MYLK4: variants seen among roughly 807,000 people sequenced by gnomAD.
The protein encoded by MYLK4 is caMLCK like.
MYLK4 carries 46 observed loss-of-function variants against 48.1 expected under a neutral mutation model. The ratio of observed to expected loss-of-function variants is 0.96; its 90% confidence interval spans 0.75 to 1.22. MYLK4 has a LOEUF of 1.22. MYLK4 is among the 50% of genes most tolerant of loss of function. The probability of loss-of-function intolerance (pLI) is 0.00; values close to 1 mark genes in which losing one functional copy is unlikely to be tolerated. For synonymous variants in MYLK4, 170 were observed against 180.8 expected, an observed-to-expected ratio of 0.94 and a Z score of 0.48; for missense variants, 451 against 486.1, an observed-to-expected ratio of 0.93 and a Z score of 0.68.
At position 2,673,010 on chromosome 6, in the gene MYLK4, A is replaced by G. The variant is rs56065170; in HGVS notation, c.1120-1662T>C. Reference sequence around the variant, plus strand: ...AAATGAAATTTATTTTTCATTAAAAAAAACCCATCATCACTCTTGAACTAT... The same window carrying G: ...AAATGAAATTTATTTTTCATTAAAAGAAACCCATCATCACTCTTGAACTAT... On this transcript the variant is annotated intron_variant, in intron 11 of 12. Coordinates refer to ENST00000274643, the MANE Select transcript of MYLK4 (RefSeq NM_001012418.5). The surrounding 1 kb of genome is among the most constrained non-coding windows in gnomAD (Gnocchi z 4.2). Among the ~76,000 whole-genome samples the G allele has an allele frequency of 0.15, 23,316 of 152,252 alleles. 2,074 individuals are homozygous for G. The highest frequency in any genetic ancestry group is 0.35 in the East Asian group (1,816 of 5,178).
At chr6:2,704,623 A>T (rs916695065) in intron 2 of MYLK4, among the ~76,000 whole-genome samples, 1 of 152,206 alleles carries the variant, frequency 6.6e-6, no homozygotes, top group African/African-American at 2.4e-5. Flanking sequence ...GTTTGCCCAG[A>T]GAGATACTTC....
Position 2,749,988 on chromosome 6 carries a change from CAG to C in MYLK4, c.-112-584_-112-583del, listed in dbSNP as rs368454145. On this transcript the variant is annotated intron_variant, in intron 1 of 12. Coordinates refer to ENST00000274643, the MANE Select transcript of MYLK4 (RefSeq NM_001012418.5). The stretch of plus-strand genomic sequence containing the variant: ...ATTAACAGCTATGTACCGAGAAGTT[CAG>C]AGTCTTTTCACTCTCCTTAAAATAC... Among the ~76,000 whole-genome samples, 1,021 of 152,284 alleles carry C rather than the reference CAG, an allele frequency of 6.7e-3. 4 individuals are homozygous for C. The highest frequency in any genetic ancestry group is 0.013 in the African/African-American group (528 of 41,552).
At chr6:2,724,449 G>T (rs1304779360) in intron 2 of MYLK4, among the ~76,000 whole-genome samples, 1 of 152,214 alleles carries the variant, frequency 6.6e-6, no homozygotes, top group Non-Finnish European at 1.5e-5. Flanking sequence ...AACGCAGGGG[G>T]AAAGGTATGC....
At chr6:2,756,942 G>A in the MYLK4 span, among the ~76,000 whole-genome samples, 244 of 152,308 alleles carry the variant, frequency 1.6e-3, no homozygotes, top group African/African-American at 5.8e-3. Flanking sequence ...AGATTTCAGA[G>A]CTAGAATAAG....
chr6:2,674,973 G>T, intron 11 of MYLK4, 74 bp downstream of exon 11: 1 of 999,104 alleles, frequency 1.0e-6, no homozygotes, highest in Non-Finnish European at 1.6e-6. Context: ...TTAAGGTTAA[G>T]ATGACTCCAG....
At chr6:2,770,176 T>C in the MYLK4 span, 5 of 1,614,224 alleles carry the variant, frequency 3.1e-6, no homozygotes, top group Non-Finnish European at 4.2e-6. Context: ...GGGCAACCAC[T>C]GAAAACCCTT....
At chr6:2,691,708 A>G (rs774627844) in intron 3 of MYLK4, among the ~76,000 whole-genome samples, 13 of 152,254 alleles carry the variant, frequency 8.5e-5, no homozygotes, top group Non-Finnish European at 1.5e-4. Flanking sequence ...TCTTTAAAAA[A>G]TACTGATTCC....
chr6:2,693,015 A>G (rs1276206386), intron 2 of MYLK4, among the ~76,000 whole-genome samples, 156 bp from the exon 3 acceptor site: 1 of 152,172 alleles, frequency 6.6e-6, no homozygotes, highest in Non-Finnish European at 1.5e-5. Context: ...ACCAGATGCC[A>G]GTAGCACCCT....
chr6:2,710,842 C>T (rs1236060764), intron 2 of MYLK4, among the ~76,000 whole-genome samples: 2 of 152,224 alleles, frequency 1.3e-5, no homozygotes, highest in Non-Finnish European at 2.9e-5. Context: ...GGATGAAGGG[C>T]TGTGTCATAG....
At chr6:2,719,296 G>C (rs1306821228) in intron 2 of MYLK4, among the ~76,000 whole-genome samples, 7 of 152,134 alleles carry the variant, frequency 4.6e-5, no homozygotes, top group African/African-American at 1.7e-4. Flanking sequence ...GAGGGGAGGA[G>C]GACCAGACCA....
At chr6:2,732,787 T>C (rs1235261823) in intron 2 of MYLK4, among the ~76,000 whole-genome samples, 1 of 152,226 alleles carries the variant, frequency 6.6e-6, no homozygotes, top group East Asian at 1.9e-4. Flanking sequence ...GGGACTGCAC[T>C]GTGCTTTGTT....
chr6:2,732,284 T>A (rs545164240), intron 2 of MYLK4, among the ~76,000 whole-genome samples: 137 of 152,312 alleles, frequency 9.0e-4, no homozygotes, highest in Non-Finnish European at 1.7e-3. Flanking sequence ...ACAGTATATA[T>A]TTACCTGCAC....
chr6:2,690,987 C>G (rs1255968929), intron 3 of MYLK4, among the ~76,000 whole-genome samples: 1 of 151,964 alleles, frequency 6.6e-6, no homozygotes, highest in African/African-American at 2.4e-5. Context: ...CGCCACCACG[C>G]CCGGCTAATT....
chr6:2,692,978 G>A (rs938715802), intron 2 of MYLK4, 119 bp from the exon 3 acceptor site: 9 of 905,746 alleles, frequency 9.9e-6, no homozygotes, highest in African/African-American at 1.7e-5. Context: ...GAGCATTACA[G>A]GACAGCAGCA....
At chr6:2,725,557 AAGAAAGAAAGAAAGAAAGAAAAAGAAAG>A in intron 2 of MYLK4, among the ~76,000 whole-genome samples, 1 of 136,296 alleles carries the variant, frequency 7.3e-6, no homozygotes, top group Non-Finnish European at 1.6e-5. Flanking sequence ...CAAAGAAACA[AAGAAAGAAAGAAAGAAAGAAAAAGAAAG>A]AGAAAGAAAG....
At chr6:2,734,142 T>G (rs752551372) in intron 2 of MYLK4, among the ~76,000 whole-genome samples, 6 of 152,294 alleles carry the variant, frequency 3.9e-5, no homozygotes, top group Non-Finnish European at 8.8e-5. Flanking sequence ...ATGCCACACG[T>G]ACTCATGTCT....
the MYLK4 span, chr6:2,765,771 C>G: frequency 2.7e-6 from 4 of 1,464,046 alleles, no homozygotes; most frequent in Non-Finnish European, 3.6e-6. Context: ...CACGCGGAGC[C>G]CGCGGCCGGG....
chr6:2,754,691 C>T (rs887431025), upstream of MYLK4, among the ~76,000 whole-genome samples: 21 of 151,958 alleles, frequency 1.4e-4, no homozygotes, highest in African/African-American at 4.8e-4. Context: ...AAAAAGAAAA[C>T]CCAATAATAT....
chr6:2,701,036 T>C (rs1253622510), intron 2 of MYLK4, among the ~76,000 whole-genome samples: 1 of 152,216 alleles, frequency 6.6e-6, no homozygotes, highest in African/African-American at 2.4e-5. Flanking sequence ...AGTGCATGTG[T>C]GTGTCAACCG....
Sources: allele counts gnomAD v4.1 joint callset (sites outside exome capture counted in the v4.1 genomes callset), GRCh38; gene constraint gnomAD v4.1.1; non-coding constraint Gnocchi (gnomAD v3.1); transcripts MANE v1.5; gene names NCBI Gene and HGNC (gene_info 2026-07-23, HGNC 2026-07-21).